GALC: variants seen among roughly 807,000 people sequenced by gnomAD.
GALC encodes the protein galactocerebrosidase.
In GALC, 77 loss-of-function variants were observed where a neutral mutation model predicts 91.8. The observed-to-expected ratio is 0.84, with a 90% CI of 0.70 to 1.01. The LOEUF is 1.01. Ranked by LOEUF, GALC falls within the 50% of genes least tolerant of loss-of-function variation. The pLI is 0.00. For missense variants in GALC, 882 were observed against 855.9 expected, an observed-to-expected ratio of 1.03 and a Z score of -0.38; for synonymous variants, 357 against 306.7, an observed-to-expected ratio of 1.16 and a Z score of -1.71.
At chr14:87,970,318 G>C (rs939512133) in intron 7 of GALC, among the ~76,000 whole-genome samples, 2 of 152,100 alleles carry the variant, frequency 1.3e-5, no homozygotes, top group Non-Finnish European at 2.9e-5. Context: ...ATAATCAGTA[G>C]ATGTTAGGAT....
intron 1 of GALC, chr14:87,992,407 T>G (rs1397509495): frequency 2.6e-6 from 4 of 1,535,610 alleles, no homozygotes; most frequent in Non-Finnish European, 3.5e-6. Context: ...GCACCAGTCC[T>G]GCCTCCAAAC....
intron 16 of GALC, among the ~76,000 whole-genome samples, chr14:87,935,569 G>A (rs549242341): frequency 5.8e-4 from 88 of 152,140 alleles, no homozygotes; most frequent in African/African-American, 1.7e-3. Context: ...ACCTTCCTCC[G>A]AATGTTGCCA....
intron 14 of GALC, among the ~76,000 whole-genome samples, chr14:87,945,159 T>C (rs1464230114): frequency 6.6e-6 from 1 of 152,002 alleles, no homozygotes; most frequent in Non-Finnish European, 1.5e-5. Context: ...ACGGTGTAAT[T>C]CTAAGATTGG....
In GALC at chr14:87,992,973, G is replaced by C. The variant is rs753287800; in HGVS notation, c.192C>G (p.Gly64=). Residue 64 remains glycine (G), a synonymous_variant, in exon 1 of 17, where the codon GGC becomes GGG. Transcript: ENST00000261304. ...EFDGIGAVSG[G]GATSRLLVNY... ...ATCCCCGCAGCTTGCCGCTCACCCC[G>C]CCGCCGCTGACCGCGCCGATGCCGT... 1 of 1,520,768 alleles carries C rather than the reference G, an allele frequency of 6.6e-7. No individual in the cohort carries two copies. Among genetic ancestry groups the C allele is most frequent in the South Asian group, 1.2e-5 (1 of 82,132 alleles). The allele number at this position is 1,520,768 out of a possible 1,614,324, so 94.2% of individuals were successfully genotyped here.
intron 7 of GALC, among the ~76,000 whole-genome samples, chr14:87,970,306 C>T (rs1033341548): frequency 4.0e-5 from 6 of 151,718 alleles, no homozygotes; most frequent in African/African-American, 1.5e-4. Flanking sequence ...AGCATGTTAC[C>T]AATAATCAGT....
At chr14:87,953,302 A>G in intron 10 of GALC, 1 of 1,481,810 alleles carries the variant, frequency 6.7e-7, no homozygotes, top group Non-Finnish European at 9.4e-7. Flanking sequence ...AGGGAATGTA[A>G]ACATGGAGAC....
intron 10 of GALC, among the ~76,000 whole-genome samples, chr14:87,958,845 CA>C (rs1342810778): frequency 6.6e-6 from 1 of 151,938 alleles, no homozygotes; most frequent in Non-Finnish European, 1.5e-5. Context: ...ACAGTCAACT[CA>C]AAATTGATTA....
chr14:87,939,345 T>C (rs1884728894), intron 16 of GALC, among the ~76,000 whole-genome samples: 1 of 15,264 alleles, frequency 6.6e-5, no homozygotes, highest in Non-Finnish European at 4.5e-4. Context: ...ACCAACACAT[T>C]ATACACAAAA....
intron 16 of GALC, among the ~76,000 whole-genome samples, chr14:87,938,594 T>C (rs1442635628): frequency 2.0e-5 from 3 of 151,998 alleles, no homozygotes; most frequent in Admixed American, 2.0e-4. Context: ...AAATGATGGC[T>C]ATCCATTTTT....
chr14:87,988,261 G>C, intron 2 of GALC, 54 bp from the exon 3 acceptor site: 2 of 1,494,776 alleles, frequency 1.3e-6, no homozygotes, highest in Admixed American at 1.7e-5. Context: ...GAAGCTTCAA[G>C]ACAATTACTA....
At chr14:87,964,721 T>G (rs1016788880) in intron 9 of GALC, among the ~76,000 whole-genome samples, 2 of 152,164 alleles carry the variant, frequency 1.3e-5, no homozygotes, top group South Asian at 4.1e-4. Context: ...TCTTGTCTGG[T>G]AGAAATTTAA....
At chr14:87,953,692 A>T in intron 10 of GALC, 1 of 1,608,720 alleles carries the variant, frequency 6.2e-7, no homozygotes, top group Non-Finnish European at 8.5e-7. Flanking sequence ...AGTAGCTAAG[A>T]AAATGAAGTT....
intron 12 of GALC, among the ~76,000 whole-genome samples, chr14:87,949,184 C>T (rs1044382713): frequency 1.3e-5 from 2 of 149,600 alleles, no homozygotes; most frequent in Non-Finnish European, 2.9e-5. Flanking sequence ...AGGTGAAGAA[C>T]ACAGTATGTG....
intron 1 of GALC, among the ~76,000 whole-genome samples, chr14:87,991,486 G>A (rs1887199731): frequency 6.6e-6 from 1 of 152,224 alleles, no homozygotes; most frequent in African/African-American, 2.4e-5. Context: ...ACAGGCGTGA[G>A]CCACCGTGCC....
In GALC at chr14:87,963,377, AGTTTACCATG is replaced by A. The variant is rs759068540; in HGVS notation, c.1158_1161+6del. ...GAGTTAATCCAATAGCAACAACAAAAGTTTACCATGGTTTCAATGATGATGGTGAGGTTCC... is the reference window on the plus strand; with the variant it reads ...GAGTTAATCCAATAGCAACAACAAAAGTTTCAATGATGATGGTGAGGTTCC... On this transcript the variant is annotated splice_donor_variant and splice_donor_5th_base_variant and coding_sequence_variant and intron_variant, in exon 10 of 17. Coordinates refer to ENST00000261304, the MANE Select transcript of GALC (RefSeq NM_000153.4). LOFTEE classifies it high-confidence loss of function. 2.5e-6 allele frequency: 4 copies of A among 1,612,890 alleles called. No individual in the cohort carries two copies. Among genetic ancestry groups the A allele is most frequent in the Admixed American group, 1.7e-5 (1 of 59,956 alleles).
At chr14:87,976,208 A>T in intron 7 of GALC, 150 bp downstream of exon 7, 1 of 717,498 alleles carries the variant, frequency 1.4e-6, no homozygotes, top group Admixed American at 2.5e-5. Flanking sequence ...GAAAATAATG[A>T]ACTATGAGCC....
intron 10 of GALC, among the ~76,000 whole-genome samples, chr14:87,959,183 A>G (rs1012598305): frequency 2.0e-5 from 3 of 152,200 alleles, no homozygotes; most frequent in African/African-American, 7.2e-5. Context: ...CATTTCTCAG[A>G]AGAAGACATA....
chr14:87,973,128 AC>A (rs1886362927), intron 7 of GALC, among the ~76,000 whole-genome samples: 1 of 152,212 alleles, frequency 6.6e-6, no homozygotes, highest in African/African-American at 2.4e-5. Flanking sequence ...ATATATTTAC[AC>A]ATATTTGAGA....
intron 10 of GALC, among the ~76,000 whole-genome samples, chr14:87,958,164 T>C (rs1369275643): frequency 6.6e-6 from 1 of 152,132 alleles, no homozygotes; most frequent in Non-Finnish European, 1.5e-5. Flanking sequence ...AACATATAAA[T>C]TTATGTATAA....
Sources: allele counts gnomAD v4.1 joint callset (sites outside exome capture counted in the v4.1 genomes callset), GRCh38; gene constraint gnomAD v4.1.1; transcripts MANE v1.5; gene names NCBI Gene and HGNC (gene_info 2026-07-23, HGNC 2026-07-21).